CUX2: variants seen among roughly 807,000 people sequenced by gnomAD.
CUX2 encodes cut like homeobox 2.
CUX2 carries 40 observed loss-of-function variants against 144.8 expected under a neutral mutation model. The observed-to-expected ratio is 0.28, with a 90% CI of 0.21 to 0.36. The LOEUF (loss-of-function observed/expected upper bound fraction) is 0.36. CUX2 is among the 10% of genes least tolerant of loss of function. The pLI, the probability that CUX2 is intolerant of heterozygous loss-of-function variation, is 1.00. For missense variants in CUX2, 1,615 were observed against 1,994.0 expected (o/e 0.81, Z 3.62); for synonymous variants, 827 against 875.6 (o/e 0.94, Z 0.98).
chr12:111,106,380 C>G (rs1223641306), intron 1 of CUX2, among the ~76,000 whole-genome samples: 1 of 152,156 alleles, frequency 6.6e-6, no homozygotes, highest in Non-Finnish European at 1.5e-5. Context: ...TGGTCTCAAA[C>G]CCCTGGACTT....
intron 1 of CUX2, among the ~76,000 whole-genome samples, chr12:111,103,804 A>ATGGT (rs747117763): frequency 1.1e-4 from 16 of 152,202 alleles, no homozygotes; most frequent in African/African-American, 1.7e-4. Flanking sequence ...AGCTGCTCAA[A>ATGGT]TGGTGTTATC....
chr12:111,186,502 G>T lies in CUX2; in HGVS notation c.64-27698G>T, dbSNP rs1486858338. 6.6e-6 allele frequency among the ~76,000 whole-genome samples: 1 copy of T among 152,206 alleles called. No homozygotes were observed. The highest frequency in any genetic ancestry group is 1.5e-5 in the Non-Finnish European group (1 of 68,034). On this transcript the variant is annotated intron_variant, in intron 1 of 21. Transcript: ENST00000261726. The surrounding 1 kb of genome is among the most constrained non-coding windows in gnomAD (Gnocchi z 4.4). Reference sequence around the variant, plus strand: ...CACGCGCAGGTCCTGAGGTCGGGTGGGGAAGAGGGAACTGAGCACATTCTG... The same window carrying T: ...CACGCGCAGGTCCTGAGGTCGGGTGTGGAAGAGGGAACTGAGCACATTCTG...
intron 1 of CUX2, among the ~76,000 whole-genome samples, chr12:111,047,020 T>C (rs2136007443): frequency 6.6e-6 from 1 of 152,284 alleles, no homozygotes; most frequent in South Asian, 2.1e-4. Context: ...GGAAATGGAT[T>C]TGGGCCCCAA....
intron 3 of CUX2, among the ~76,000 whole-genome samples, chr12:111,258,491 C>G (rs998620803): frequency 7.2e-6 from 1 of 138,530 alleles, no homozygotes; most frequent in African/African-American, 2.7e-5. Flanking sequence ...CCAACCTGGG[C>G]GACAGAGCAA....
intron 1 of CUX2, among the ~76,000 whole-genome samples, chr12:111,135,707 C>G (rs1341798338): frequency 6.6e-6 from 1 of 152,208 alleles, no homozygotes; most frequent in African/African-American, 2.4e-5. Flanking sequence ...AAACACAATG[C>G]TGATTAAAAG....
intron 18 of CUX2, among the ~76,000 whole-genome samples, chr12:111,324,155 T>C (rs541686595): frequency 2.4e-4 from 37 of 151,846 alleles, no homozygotes; most frequent in Admixed American, 3.9e-4. Flanking sequence ...TCGAGACCAG[T>C]CTGGCCAACA....
At chr12:111,080,334 A>G (rs527810938) in intron 1 of CUX2, among the ~76,000 whole-genome samples, 1 of 152,232 alleles carries the variant, frequency 6.6e-6, no homozygotes, top group East Asian at 1.9e-4. Context: ...TTGAACATTT[A>G]TATTTCACCC....
intron 9 of CUX2, among the ~76,000 whole-genome samples, chr12:111,303,464 C>T (rs145719479): frequency 5.1e-4 from 78 of 151,832 alleles, no homozygotes; most frequent in African/African-American, 1.8e-3. Flanking sequence ...GGTGAAACCC[C>T]ACCTCTACTA....
chr12:111,044,089 T>G (rs1394574656), intron 1 of CUX2, among the ~76,000 whole-genome samples: 1 of 152,236 alleles, frequency 6.6e-6, no homozygotes, highest in Admixed American at 6.5e-5. Flanking sequence ...CCTGTCCTTC[T>G]GTCCTCTCTC....
chr12:111,347,835 G>T lies in CUX2; in HGVS notation c.3971G>T (p.Gly1324Val), dbSNP rs374410985. Residue 1324 changes from glycine (G) to valine (V), a missense_variant, in exon 22 of 22, where the codon GGC becomes GTC. Gly to Val is a moderately radical substitution (Grantham distance 109). Around this residue, in one of 12 missense-constraint regions of CUX2, gnomAD observed 298 missense variants for 330.4 expected, o/e 0.90. Transcript: ENST00000261726. Reference sequence around the variant, plus strand: ...CAGGACTCAGGGGAGCTGGACAAAGGCCAAGGTCCCCCCAAAGAGGAGCAT... The same window carrying T: ...CAGGACTCAGGGGAGCTGGACAAAGTCCAAGGTCCCCCCAAAGAGGAGCAT... ...QPQDSGELDK[G>V]QGPPKEEHPD... 40 of 1,613,916 alleles carry T rather than the reference G, an allele frequency of 2.5e-5. No individual in the cohort carries two copies. Among genetic ancestry groups the T allele is most frequent in the Non-Finnish European group, 3.4e-5 (40 of 1,180,006 alleles).
intron 4 of CUX2, among the ~76,000 whole-genome samples, chr12:111,264,733 AC>A (rs1158984153): frequency 6.6e-6 from 1 of 152,170 alleles, no homozygotes; most frequent in Non-Finnish European, 1.5e-5. Flanking sequence ...ACAGAGCAAG[AC>A]TGTCCTCTGT....
At chr12:111,126,952 C>A (rs1304709408) in intron 1 of CUX2, among the ~76,000 whole-genome samples, 1 of 152,180 alleles carries the variant, frequency 6.6e-6, no homozygotes, top group African/African-American at 2.4e-5. Flanking sequence ...TAAAGGACTT[C>A]AGTGATGTTT....
intron 2 of CUX2, among the ~76,000 whole-genome samples, chr12:111,215,483 G>A (rs911354511): frequency 1.4e-4 from 22 of 152,228 alleles, no homozygotes; most frequent in East Asian, 1.9e-4. Context: ...TGTCCATGGA[G>A]CAAGTCTGGA....
intron 1 of CUX2, among the ~76,000 whole-genome samples, chr12:111,067,904 C>G (rs79949998): frequency 0.013 from 1,916 of 152,234 alleles, 40 homozygotes; most frequent in African/African-American, 0.043. Flanking sequence ...GTCACTGAAC[C>G]ACCCTGAGAA....
At position 111,037,070 on chromosome 12, in the gene CUX2, A is replaced by G. The variant is rs1869493932; in HGVS notation, c.63+2830A>G. 6.6e-6 allele frequency among the ~76,000 whole-genome samples: 1 copy of G among 152,168 alleles called. No individual in the cohort carries two copies. The highest frequency in any genetic ancestry group is 1.5e-5 in the Non-Finnish European group (1 of 68,034). ...CCTACTTTCCTCTTATAGGGGAGAT[A>G]GCCAGAAAGGAGAACTTCTGCCGGC... On this transcript the variant is annotated intron_variant, in intron 1 of 21. Transcript: ENST00000261726. The surrounding 1 kb of genome is among the most constrained non-coding windows in gnomAD (Gnocchi z 5.4).
At chr12:111,134,649 T>TGTGTGTGTGTGTGTG (rs1566244481) in intron 1 of CUX2, among the ~76,000 whole-genome samples, 1 of 151,760 alleles carries the variant, frequency 6.6e-6, no homozygotes, top group African/African-American at 2.4e-5. Context: ...TGTGTGTGTG[T>TGTGTGTGTGTGTGTG]TTCTGCTGCT....
At chr12:111,282,104 G>A (rs1472946759) in intron 4 of CUX2, among the ~76,000 whole-genome samples, 1 of 151,604 alleles carries the variant, frequency 6.6e-6, no homozygotes, top group African/African-American at 2.4e-5. Flanking sequence ...GGTGGATCAC[G>A]AGGTCAGGAG....
Position 111,293,415 on chromosome 12 carries a change from A to AT in CUX2, c.437-30dup. The stretch of plus-strand genomic sequence containing the variant: ...TGGCTGCCACGTTGCTCTCTTGGCA[A>AT]TGGGGGTTTTCCCTCTTTTTCTCCC... On this transcript the variant is annotated intron_variant, in intron 5 of 21. Transcript: ENST00000261726. The surrounding 1 kb of genome is among the most constrained non-coding windows in gnomAD (Gnocchi z 4.5). 6.3e-7 allele frequency: 1 copy of AT among 1,588,826 alleles called. No individual in the cohort carries two copies. The highest frequency in any genetic ancestry group is 8.6e-7 in the Non-Finnish European group (1 of 1,168,678).
chr12:111,213,662 A>C (rs531260704), intron 1 of CUX2, among the ~76,000 whole-genome samples: 22 of 152,314 alleles, frequency 1.4e-4, no homozygotes, highest in Admixed American at 7.2e-4. Flanking sequence ...AATCTACTGA[A>C]ATTAAAAAGC....
Sources: gnomAD v4.1 joint callset for allele counts (sites outside exome capture counted in the v4.1 genomes callset) on GRCh38, gnomAD v4.1.1 for gene constraint, gnomAD v4.1.1 regional missense constraint, Gnocchi (gnomAD v3.1) non-coding constraint, MANE v1.5 for transcripts, NCBI Gene and HGNC (gene_info 2026-07-23, HGNC 2026-07-21) for gene names.